Variants in PRR14L observed in about 807,000 individuals in gnomAD.
PRR14L encodes protein PRR14L.
PRR14L carries 80 observed loss-of-function variants against 155.0 expected under a neutral mutation model. That is an observed-to-expected ratio of 0.52 (90% CI 0.43 to 0.62). The LOEUF is 0.62. Among genes scored for constraint, PRR14L ranks in the 20% least tolerant of loss-of-function variants. PRR14L has a pLI of 0.00. For synonymous variants in PRR14L, 883 were observed against 916.0 expected (o/e 0.96, Z 0.65); for missense variants, 2,469 against 2,548.0 (o/e 0.97, Z 0.67).
chr22:31,716,103 T>C lies in PRR14L; in HGVS notation c.1736A>G (p.Asp579Gly). The change falls in exon 4 of 9, where the codon GAT becomes GGT. Residue 579 changes from aspartate (D) to glycine (G), a missense_variant. Asp to Gly is a moderately conservative substitution (Grantham distance 94). Around this residue, in one of 2 missense-constraint regions of PRR14L, gnomAD observed 2,363 missense variants for 2,371.6 expected, o/e 1.00. Coordinates refer to ENST00000327423, the MANE Select transcript of PRR14L (RefSeq NM_173566.3). Reference sequence around the variant, plus strand: ...TACCTCACTTACAGGACTTATTTGATCCTCTGGCATTAAACTCACAATGGA... The same window carrying C: ...TACCTCACTTACAGGACTTATTTGACCCTCTGGCATTAAACTCACAATGGA... ...RKSIVSLMPEDQISPVSEVLK... is the reference protein window; with the variant it reads ...RKSIVSLMPEGQISPVSEVLK... 1.9e-6 allele frequency: 3 copies of C among 1,551,228 alleles called. No individual in the cohort carries two copies. Among genetic ancestry groups the C allele is most frequent in the Non-Finnish European group, 2.6e-6 (3 of 1,146,884 alleles).
intron 3 of PRR14L, among the ~76,000 whole-genome samples, chr22:31,720,739 T>TAAAAA (rs1750570650): frequency 2.0e-5 from 3 of 152,026 alleles, no homozygotes; most frequent in Admixed American, 2.0e-4. Flanking sequence ...CATCTCAAAA[T>TAAAAA]AAATAAAATA....
intron 3 of PRR14L, among the ~76,000 whole-genome samples, chr22:31,722,838 A>G (rs982518387): frequency 1.3e-5 from 2 of 152,158 alleles, no homozygotes; most frequent in African/African-American, 2.4e-5. Context: ...AGCCGGCATC[A>G]TTCAGTTCTT....
In PRR14L at chr22:31,712,360, A is replaced by G. The variant is rs1199908733; in HGVS notation, c.5479T>C (p.Cys1827Arg). 1 of 1,613,324 alleles carries G rather than the reference A, an allele frequency of 6.2e-7. No individual in the cohort carries two copies. Among genetic ancestry groups the G allele is most frequent in the Non-Finnish European group, 8.5e-7 (1 of 1,179,616 alleles). Residue 1827 changes from cysteine to arginine, a missense_variant, in exon 4 of 9, where the codon TGT (cysteine) becomes CGT (arginine). Around this residue, in one of 2 missense-constraint regions of PRR14L, gnomAD observed 2,363 missense variants for 2,371.6 expected, o/e 1.00. Transcript: ENST00000327423. The stretch of plus-strand genomic sequence containing the variant: ...CAGATTCGGTAACATCCTGGGGAAC[A>G]AAGTGCTAGAAGTGTGTGAAGGCCA... ...VLGLHTLLAL[C>R]SPGCYRIWTK...
chr22:31,699,834 C>T (rs922176158), intron 7 of PRR14L, among the ~76,000 whole-genome samples: 2 of 149,834 alleles, frequency 1.3e-5, no homozygotes, highest in Non-Finnish European at 3.0e-5. Flanking sequence ...CAGGCTTTTC[C>T]ATAAACTTAA....
chr22:31,714,485 A>G lies in PRR14L; in HGVS notation c.3354T>C (p.Thr1118=). The change falls in exon 4 of 9, where the codon ACT becomes ACC. Residue 1118 remains threonine, a synonymous_variant. Coordinates refer to ENST00000327423, the MANE Select transcript of PRR14L (RefSeq NM_173566.3). ...TTGQDSDFPV[T]AASTVDFLKI... ...TGAGAAAGTCCACTGTAGAAGCAGC[A>G]GTAACTGGGAAATCTGAATCCTGAC... 1 of 1,552,182 alleles carries G rather than the reference A, an allele frequency of 6.4e-7. No homozygotes were observed. Among genetic ancestry groups the G allele is most frequent in the Non-Finnish European group, 8.7e-7 (1 of 1,147,092 alleles).
At chr22:31,702,656 C>T (rs1378451199) in intron 6 of PRR14L, among the ~76,000 whole-genome samples, 2 of 152,070 alleles carry the variant, frequency 1.3e-5, no homozygotes, top group Non-Finnish European at 2.9e-5. Context: ...CCTGGGATTA[C>T]AGGAATGTGC....
intron 2 of PRR14L, among the ~76,000 whole-genome samples, chr22:31,729,264 T>G (rs1193700505): frequency 1.3e-5 from 2 of 152,222 alleles, no homozygotes; most frequent in Non-Finnish European, 2.9e-5. Context: ...CAGGCTGGAA[T>G]GTAGTGGCAC....
At chr22:31,737,612 A>T (rs1234043199) in intron 2 of PRR14L, among the ~76,000 whole-genome samples, 1 of 151,046 alleles carries the variant, frequency 6.6e-6, no homozygotes, top group Non-Finnish European at 1.5e-5. Context: ...ATATACTAAG[A>T]CCCTGCCTCT....
chr22:31,706,442 T>TTTTTTTTTTTTTTTTG (rs1238688535), intron 4 of PRR14L, among the ~76,000 whole-genome samples: 1 of 151,436 alleles, frequency 6.6e-6, no homozygotes, highest in Non-Finnish European at 1.5e-5. Context: ...TTCTTTTTTT[T>TTTTTTTTTTTTTTTTG]GAGACGGAGT....
rs1184334636 is a variant in PRR14L, at chr22:31,745,855, A to AT, written c.-52+4137_-52+4138insA. On this transcript the variant is annotated intron_variant, in intron 1 of 8. Coordinates refer to ENST00000327423, the MANE Select transcript of PRR14L (RefSeq NM_173566.3). ...GGGAGACTCAGTTTAAAAAAAAAAA[A>AT]AAAAAAATATATATATATATATAAG... Among the ~76,000 whole-genome samples, 1,219 of 142,440 alleles carry AT rather than the reference A, an allele frequency of 8.6e-3. 4 individuals are homozygous for AT. Among genetic ancestry groups the AT allele is most frequent in the South Asian group, 0.013 (56 of 4,238 alleles). The allele number at this position is 142,440 out of a possible 152,430, so 93.4% of individuals were successfully genotyped here.
At chr22:31,734,609 G>A (rs1048521224) in intron 2 of PRR14L, among the ~76,000 whole-genome samples, 1 of 152,160 alleles carries the variant, frequency 6.6e-6, no homozygotes, top group African/African-American at 2.4e-5. Context: ...TGGCCTAACT[G>A]TGCCCCACAG....
At chr22:31,717,917 C>A (rs1048662493) in intron 3 of PRR14L, among the ~76,000 whole-genome samples, 2 of 151,540 alleles carry the variant, frequency 1.3e-5, no homozygotes, top group Admixed American at 6.6e-5. Flanking sequence ...CTGCAACCAC[C>A]CCCAGCTAAT....
Position 31,735,440 on chromosome 22 carries a change from CA to C in PRR14L, c.474+2946del, listed in dbSNP as rs11443258. On this transcript the variant is annotated intron_variant, in intron 2 of 8. Transcript: ENST00000327423. The stretch of plus-strand genomic sequence containing the variant: ...TGGGTGACAGAGCAAGAATCTGTCT[CA>C]AAAAAAAAAAAAAGAACACTGAGAT... Among the ~76,000 whole-genome samples the C allele has an allele frequency of 2.1e-3, 223 of 105,108 alleles. 1 individual carries two copies. Among genetic ancestry groups the C allele is most frequent in the Middle Eastern group, 6.3e-3 (1 of 160 alleles). The allele number at this position is 105,108 out of a possible 152,430, so 69.0% of individuals were successfully genotyped here.
intron 3 of PRR14L, among the ~76,000 whole-genome samples, chr22:31,720,330 T>A (rs1167440862): frequency 6.6e-6 from 1 of 152,174 alleles, no homozygotes; most frequent in Non-Finnish European, 1.5e-5. Context: ...CAGATACCAA[T>A]CATTTACAAA....
chr22:31,723,904 T>C (rs1314295516), intron 3 of PRR14L, among the ~76,000 whole-genome samples: 2 of 152,196 alleles, frequency 1.3e-5, no homozygotes, highest in Admixed American at 6.5e-5. Context: ...CTTGGTCTGT[T>C]AGAAATCGGG....
At chr22:31,732,239 A>T (rs966833376) in intron 2 of PRR14L, among the ~76,000 whole-genome samples, 8 of 152,172 alleles carry the variant, frequency 5.3e-5, no homozygotes, top group Non-Finnish European at 7.3e-5. Flanking sequence ...ACTTAACAGC[A>T]TATCTTAGTT....
At chr22:31,702,379 C>T (rs576028730) in intron 6 of PRR14L, among the ~76,000 whole-genome samples, 3 of 152,288 alleles carry the variant, frequency 2.0e-5, no homozygotes, top group East Asian at 1.9e-4. Flanking sequence ...TGTGCCACCA[C>T]GCCCGGCTTA....
intron 7 of PRR14L, among the ~76,000 whole-genome samples, chr22:31,688,780 T>C (rs1023055377): frequency 3.3e-5 from 5 of 152,048 alleles, no homozygotes; most frequent in African/African-American, 9.7e-5. Context: ...TAGAAAACTA[T>C]ATATTCTGTT....
chr22:31,710,492 G>A (rs768308117), intron 4 of PRR14L, among the ~76,000 whole-genome samples: 14 of 150,192 alleles, frequency 9.3e-5, no homozygotes, highest in African/African-American at 3.2e-4. Flanking sequence ...TCACTCTGTC[G>A]CCCAGGCTGG....
Sources: allele counts gnomAD v4.1 joint callset (sites outside exome capture counted in the v4.1 genomes callset), GRCh38; gene constraint gnomAD v4.1.1; regional missense constraint gnomAD v4.1.1; transcripts MANE v1.5; gene names NCBI Gene and HGNC (gene_info 2026-07-23, HGNC 2026-07-21).